Variants in ELF2 observed in about 807,000 individuals in gnomAD.
ELF2 encodes ETS-related transcription factor Elf-2.
Under a neutral mutation model 54.8 loss-of-function variants are expected in ELF2, and 11 were observed. The ratio of observed to expected loss-of-function variants is 0.20; its 90% CI spans 0.13 to 0.33. The LOEUF (loss-of-function observed/expected upper bound fraction) is 0.33, where lower values mean the gene tolerates loss of function less well. ELF2 is among the 10% of genes least tolerant of loss of function. The pLI is 1.00. For synonymous variants in ELF2, 203 were observed against 245.1 expected (o/e 0.83, Z 1.61); for missense variants, 513 against 703.0 (o/e 0.73, Z 3.06).
Position 139,125,220 on chromosome 4 carries a change from T to A in ELF2, c.182A>T (p.Tyr61Phe). ...TTCTTCTGCCACATCTTGCATCATA[T>A]AAGTCTCATCATCATAAACCAGAAC... ...AQVLVYDDET[Y>F]MMQDVAEEQE... Residue 61 changes from tyrosine to phenylalanine, a missense_variant, in exon 4 of 10, where the codon TAT becomes TTT. Physicochemically the swap from Tyr to Phe is conservative, Grantham distance 22. Transcript: ENST00000686138. 6.2e-7 allele frequency: 1 copy of A among 1,613,932 alleles called. No individual in the cohort carries two copies. The highest frequency in any genetic ancestry group is 8.5e-7 in the Non-Finnish European group (1 of 1,179,940).
chr4:139,064,867 C>T (rs894351291), intron 7 of ELF2, among the ~76,000 whole-genome samples: 27 of 151,688 alleles, frequency 1.8e-4, no homozygotes, highest in Admixed American at 1.3e-4. Flanking sequence ...GCAACAAGAG[C>T]GAAACTCCAC....
chr4:139,158,501 G>A (rs555928120), intron 1 of ELF2, among the ~76,000 whole-genome samples: 74 of 152,248 alleles, frequency 4.9e-4, no homozygotes, highest in Middle Eastern at 3.4e-3. Flanking sequence ...TGCTTCAAGC[G>A]GGATTAGGGG....
intron 4 of ELF2, among the ~76,000 whole-genome samples, chr4:139,110,623 T>A (rs1365349210): frequency 6.6e-6 from 1 of 152,238 alleles, no homozygotes; most frequent in Non-Finnish European, 1.5e-5. Context: ...TATCCCTAAG[T>A]GGCATTCTAG....
intron 4 of ELF2, among the ~76,000 whole-genome samples, chr4:139,105,224 T>C (rs2069006973): frequency 6.6e-6 from 1 of 152,340 alleles, no homozygotes; most frequent in South Asian, 2.1e-4. Flanking sequence ...AAGAACAATT[T>C]CAAGTTATAT....
rs569339026 is a variant in ELF2 at position 139,123,268 on chromosome 4, A to C, written c.238+1896T>G. Among the ~76,000 whole-genome samples, 78 of 152,286 alleles carry C rather than the reference A, an allele frequency of 5.1e-4. 1 individual carries two copies. Among genetic ancestry groups the C allele is most frequent in the Middle Eastern group, 3.4e-3 (1 of 292 alleles). On this transcript the variant is annotated intron_variant, in intron 4 of 9. Coordinates refer to ENST00000686138, the MANE Select transcript of ELF2 (RefSeq NM_001331036.3). ...TTTTATACCATTTTAGAATGATATA[A>C]GTAATATGCTTACATTTTCTTTTTG... is the stretch of plus-strand genomic sequence containing the variant.
At chr4:139,147,940 C>T (rs1312287555) in intron 1 of ELF2, among the ~76,000 whole-genome samples, 50 of 151,866 alleles carry the variant, frequency 3.3e-4, no homozygotes, top group Non-Finnish European at 1.0e-4. Context: ...GCATGCGCCA[C>T]CAGGCCCAGC....
intron 4 of ELF2, among the ~76,000 whole-genome samples, chr4:139,108,878 T>C (rs1331928363): frequency 1.3e-5 from 2 of 152,188 alleles, no homozygotes; most frequent in Non-Finnish European, 1.5e-5. Context: ...CATCTGAACA[T>C]TTTAAGATCC....
At chr4:139,080,082 G>T (rs530920823) in intron 4 of ELF2, among the ~76,000 whole-genome samples, 35 of 152,018 alleles carry the variant, frequency 2.3e-4, no homozygotes, top group Non-Finnish European at 4.6e-4. Flanking sequence ...TCAAACATGA[G>T]GAATTATTTT....
At chr4:139,098,546 G>GC (rs1393102518) in intron 4 of ELF2, among the ~76,000 whole-genome samples, 1 of 148,778 alleles carries the variant, frequency 6.7e-6, no homozygotes, top group Non-Finnish European at 1.5e-5. Context: ...TCGGCTCACT[G>GC]CAACCTCCAC....
chr4:139,152,411 T>A (rs942236901), intron 1 of ELF2, among the ~76,000 whole-genome samples: 8 of 151,964 alleles, frequency 5.3e-5, no homozygotes, highest in Non-Finnish European at 2.9e-5. Context: ...CACGGCTCAC[T>A]GCAGCCTTAA....
rs537334470 is a variant in ELF2 at position 139,143,054 on chromosome 4, C to A, written c.-251-3557G>T. Among the ~76,000 whole-genome samples the A allele has an allele frequency of 7.0e-4, 107 of 152,282 alleles. 1 individual carries two copies. Among genetic ancestry groups the A allele is most frequent in the Non-Finnish European group, 1.1e-3 (78 of 68,016 alleles). ...ATCTGTATCCCTATCTAGACAATTG[C>A]ACTGGCAGAATCTACCTAATGTAAC... On this transcript the variant is annotated intron_variant, in intron 1 of 9. Coordinates refer to ENST00000686138, the MANE Select transcript of ELF2 (RefSeq NM_001331036.3).
chr4:139,073,495 T>C lies in ELF2; in HGVS notation c.311A>G (p.His104Arg). The C allele has an allele frequency of 6.2e-7, 1 of 1,609,608 alleles. No individual in the cohort carries two copies. Among genetic ancestry groups the C allele is most frequent in the South Asian group, 1.1e-5 (1 of 90,558 alleles). Reference protein sequence around the residue: ...KTIEAAEALLHMESPTCLRDS... With the variant: ...KTIEAAEALLRMESPTCLRDS... ...CCTCAAGCAGGTAGGAGATTCCATA[T>C]GAAGCAGGGCTTCAGCAGCTTCAAT... The change falls in exon 5 of 10, where the codon CAT (histidine) becomes CGT (arginine). Residue 104 changes from histidine (H) to arginine (R), a missense_variant. Physicochemically the swap from His to Arg is conservative, Grantham distance 29. This residue lies in a region of ELF2 where 203 missense variants were observed against 245.9 expected (regional missense o/e 0.83). Transcript: ENST00000686138.
chr4:139,059,814 C>T (rs1183050679), intron 9 of ELF2, among the ~76,000 whole-genome samples: 1 of 151,824 alleles, frequency 6.6e-6, no homozygotes, highest in East Asian at 1.9e-4. Context: ...ATCTATAAAA[C>T]CATAAAAACC....
Position 139,151,044 on chromosome 4 carries a change from G to GA in ELF2, c.-251-11548dup, listed in dbSNP as rs1560871298. Among the ~76,000 whole-genome samples, 10 of 64,310 alleles carry GA rather than the reference G, an allele frequency of 1.6e-4. 2 individuals carry two copies. The highest frequency in any genetic ancestry group is 4.0e-4 in the African/African-American group (9 of 22,282). The allele number at this position is 64,310 out of a possible 152,430, so 42.2% of individuals were successfully genotyped here. A position where few individuals can be genotyped will look rare whatever the true frequency, so the allele number is the denominator to read the frequency against. Reference sequence around the variant, plus strand: ...ATCTCAAAAAAAAAAAAGAAAGAAAGAAAGAAAGAAAGAAAGAAAGAAAGA... The same window carrying GA: ...ATCTCAAAAAAAAAAAAGAAAGAAAGAAAAGAAAGAAAGAAAGAAAGAAAGA... On this transcript the variant is annotated intron_variant, in intron 1 of 9. Transcript: ENST00000686138.
intron 9 of ELF2, 64 bp downstream of exon 9, chr4:139,060,260 G>A (rs1172501270): frequency 7.1e-7 from 1 of 1,406,526 alleles, no homozygotes; most frequent in Non-Finnish European, 9.5e-7. Context: ...AGGACATTTT[G>A]TTTTCACCAC....
chr4:139,176,160 C>G (rs1308723520), intron 1 of ELF2, among the ~76,000 whole-genome samples: 1 of 152,184 alleles, frequency 6.6e-6, no homozygotes, highest in Non-Finnish European at 1.5e-5. Context: ...ATCCAGAAGG[C>G]GGTCACTGGA....
At chr4:139,177,456 G>A (rs888141290), upstream of ELF2, among the ~76,000 whole-genome samples, 1 of 151,608 alleles carries the variant, frequency 6.6e-6, no homozygotes, top group Non-Finnish European at 1.5e-5. Flanking sequence ...CGCCGCCCTC[G>A]GGCCCCCACC....
chr4:139,111,475 A>G (rs1734938861), intron 4 of ELF2, among the ~76,000 whole-genome samples: 1 of 151,428 alleles, frequency 6.6e-6, no homozygotes, highest in Non-Finnish European at 1.5e-5. Context: ...CTACAGGTCC[A>G]TGCCACCATA....
intron 7 of ELF2, 79 bp downstream of exon 7, chr4:139,067,605 T>C (rs1728899565): frequency 7.0e-7 from 1 of 1,424,384 alleles, no homozygotes; most frequent in African/African-American, 1.4e-5. Context: ...GTACTAGAAA[T>C]AGTTTTCTTA....
Sources: gnomAD v4.1 joint callset for allele counts (sites outside exome capture counted in the v4.1 genomes callset) on GRCh38, gnomAD v4.1.1 for gene constraint, gnomAD v4.1.1 regional missense constraint, MANE v1.5 for transcripts, NCBI Gene and HGNC (gene_info 2026-07-23, HGNC 2026-07-21) for gene names.